PTPRD: variants seen among roughly 807,000 people sequenced by gnomAD.
PTPRD encodes the protein receptor-type tyrosine-protein phosphatase delta.
In PTPRD, 34 loss-of-function variants were observed where a neutral mutation model predicts 214.5. The observed-to-expected ratio is 0.16, with a 90% CI of 0.12 to 0.21. The LOEUF (loss-of-function observed/expected upper bound fraction) is 0.21, where lower values mean the gene tolerates loss of function less well. Ranked by LOEUF, PTPRD falls within the 10% of genes least tolerant of loss-of-function variation. The pLI is 1.00. For synonymous variants in PTPRD, 1,128 were observed against 845.7 expected (o/e 1.33, Z -5.79); for missense variants, 2,545 against 2,398.7 (o/e 1.06, Z -1.27).
chr9:10,546,316 C>T (rs2060163551), intron 2 of PTPRD, among the ~76,000 whole-genome samples: 2 of 152,068 alleles, frequency 1.3e-5, no homozygotes, highest in South Asian at 4.1e-4. Flanking sequence ...ACATTTTCCT[C>T]ATGTCTCCAT....
intron 3 of PTPRD, among the ~76,000 whole-genome samples, chr9:10,303,537 G>A (rs1253321744): frequency 6.6e-6 from 1 of 151,994 alleles, no homozygotes; most frequent in Non-Finnish European, 1.5e-5. Flanking sequence ...AAGAAGAAAA[G>A]AGAGAAGGAT....
intron 2 of PTPRD, among the ~76,000 whole-genome samples, chr9:10,586,093 GA>G (rs771514681): frequency 1.3e-5 from 2 of 151,962 alleles, no homozygotes; most frequent in Non-Finnish European, 2.9e-5. Flanking sequence ...GTGCAGTAAA[GA>G]AATTTACATA....
At chr9:8,468,247 G>A (rs954177170) in intron 31 of PTPRD, among the ~76,000 whole-genome samples, 9 of 151,982 alleles carry the variant, frequency 5.9e-5, no homozygotes, top group African/African-American at 1.2e-4. Context: ...TGTGTTACAC[G>A]TTAAATGGTT....
chr9:9,326,446 C>T (rs1349606617), intron 9 of PTPRD, among the ~76,000 whole-genome samples: 2 of 151,770 alleles, frequency 1.3e-5, no homozygotes, highest in Non-Finnish European at 2.9e-5. Flanking sequence ...CTCGTTTTAT[C>T]AATTAGAAAA....
At chr9:9,086,030 G>A (rs2099766597) in intron 10 of PTPRD, among the ~76,000 whole-genome samples, 1 of 152,114 alleles carries the variant, frequency 6.6e-6, no homozygotes, top group African/African-American at 2.4e-5. Flanking sequence ...ATAATTTACT[G>A]ATATATAGGA....
chr9:10,465,409 G>A (rs1002207120), intron 2 of PTPRD, among the ~76,000 whole-genome samples: 40 of 152,142 alleles, frequency 2.6e-4, no homozygotes, highest in Middle Eastern at 3.4e-3. Context: ...AACTGGGGTC[G>A]CTCTATTAAT....
chr9:8,824,209 C>T (rs1367953936), intron 11 of PTPRD, among the ~76,000 whole-genome samples: 2 of 152,070 alleles, frequency 1.3e-5, no homozygotes, highest in African/African-American at 4.8e-5. Context: ...GGAATGCAGC[C>T]CAGTGGGTCC....
At chr9:10,455,279 T>C (rs1716436934) in intron 2 of PTPRD, among the ~76,000 whole-genome samples, 1 of 151,704 alleles carries the variant, frequency 6.6e-6, no homozygotes, top group South Asian at 2.1e-4. Flanking sequence ...TCTGCTTTTA[T>C]TTCTCTGCTT....
intron 4 of PTPRD, among the ~76,000 whole-genome samples, chr9:10,001,221 C>G (rs577858925): frequency 3.3e-5 from 5 of 152,078 alleles, no homozygotes; most frequent in South Asian, 2.1e-4. Flanking sequence ...ATCATCCATT[C>G]CGAAGAGCAG....
intron 8 of PTPRD, among the ~76,000 whole-genome samples, chr9:9,461,604 G>A (rs187652005): frequency 6.6e-6 from 1 of 152,118 alleles, no homozygotes; most frequent in African/African-American, 2.4e-5. Flanking sequence ...AAGAGCTAGG[G>A]GTCTATTCAG....
intron 5 of PTPRD, among the ~76,000 whole-genome samples, chr9:9,775,694 A>G (rs532869989): frequency 1.3e-5 from 2 of 152,298 alleles, no homozygotes; most frequent in African/African-American, 4.8e-5. Context: ...CTGTAATCCC[A>G]GCACTTTGGG....
At chr9:9,523,507 T>C (rs996523396) in intron 8 of PTPRD, among the ~76,000 whole-genome samples, 9 of 151,702 alleles carry the variant, frequency 5.9e-5, no homozygotes, top group African/African-American at 2.2e-4. Flanking sequence ...CACAACATAT[T>C]TATCTAACTC....
intron 8 of PTPRD, among the ~76,000 whole-genome samples, chr9:9,418,380 C>G (rs2077612773): frequency 6.6e-6 from 1 of 151,930 alleles, no homozygotes; most frequent in Non-Finnish European, 1.5e-5. Flanking sequence ...ACATAACTCA[C>G]TGGTCATGTT....
intron 12 of PTPRD, among the ~76,000 whole-genome samples, chr9:8,705,781 G>A (rs1193157737): frequency 6.6e-6 from 1 of 152,264 alleles, no homozygotes; most frequent in South Asian, 2.1e-4. Flanking sequence ...GATTAAAACA[G>A]TAGTAATAAT....
intron 35 of PTPRD, among the ~76,000 whole-genome samples, chr9:8,417,456 C>A (rs1291558895): frequency 3.3e-5 from 5 of 152,128 alleles, no homozygotes; most frequent in Admixed American, 3.3e-4. Context: ...AGACCAATAA[C>A]TCATGAAAAA....
At chr9:10,574,095 G>A (rs1345136778) in intron 2 of PTPRD, among the ~76,000 whole-genome samples, 1 of 152,088 alleles carries the variant, frequency 6.6e-6, no homozygotes, top group East Asian at 1.9e-4. Context: ...TTTAGATATT[G>A]AAACAAATGA....
chr9:9,606,095 A>C (rs2094136166), intron 7 of PTPRD, among the ~76,000 whole-genome samples: 1 of 152,102 alleles, frequency 6.6e-6, no homozygotes, highest in Admixed American at 6.6e-5. Context: ...TCCTAGATGT[A>C]ACCTAATTTA....
intron 11 of PTPRD, among the ~76,000 whole-genome samples, chr9:8,970,989 A>G (rs2099234865): frequency 6.6e-6 from 1 of 151,810 alleles, no homozygotes; most frequent in African/African-American, 2.4e-5. Flanking sequence ...TTTAAGTTAT[A>G]AAAGTTTTTA....
intron 5 of PTPRD, among the ~76,000 whole-genome samples, chr9:9,842,687 T>C (rs2058625317): frequency 6.6e-6 from 1 of 151,988 alleles, no homozygotes; most frequent in Non-Finnish European, 1.5e-5. Flanking sequence ...TTTTTTTTCT[T>C]TTCCCCCCAG....
Sources: gnomAD v4.1 joint callset for allele counts (sites outside exome capture counted in the v4.1 genomes callset) on GRCh38, gnomAD v4.1.1 for gene constraint, MANE v1.5 for transcripts, NCBI Gene and HGNC (gene_info 2026-07-23, HGNC 2026-07-21) for gene names.